The following SPON1 variants were observed in gnomAD, a reference collection of about 807,000 sequenced individuals.
SPON1 encodes the protein spondin 1.
Under a neutral mutation model 111.7 loss-of-function variants are expected in SPON1, and 52 were observed. The ratio of observed to expected loss-of-function variants is 0.47; its 90% CI spans 0.37 to 0.59. SPON1 has a LOEUF of 0.59. Among genes scored for constraint, SPON1 ranks in the 20% least tolerant of loss-of-function variants. SPON1 has a pLI of 0.00. For missense variants in SPON1, 957 were observed against 1,068.5 expected, an observed-to-expected ratio of 0.90 and a Z score of 1.46; for synonymous variants, 410 against 395.8, an observed-to-expected ratio of 1.04 and a Z score of -0.43.
chr11:14,252,337 G>A (rs1554940737), intron 7 of SPON1, among the ~76,000 whole-genome samples: 1 of 150,660 alleles, frequency 6.6e-6, no homozygotes, highest in African/African-American at 2.4e-5. Flanking sequence ...GGAATCCAGC[G>A]CTATGTATCT....
chr11:14,063,166 T>C (rs1848804606), intron 3 of SPON1, among the ~76,000 whole-genome samples: 1 of 152,260 alleles, frequency 6.6e-6, no homozygotes, highest in South Asian at 2.1e-4. Context: ...TATAGATTTT[T>C]ACTTATGTAT....
chr11:13,991,848 G>C lies in SPON1; in HGVS notation c.345+8895G>C, dbSNP rs377737621. On this transcript the variant is annotated intron_variant, in intron 2 of 15. Transcript: ENST00000576479. ...TGCCAGTCTGCTGGAGTTTGCTGGAGGTCCACTCCTGACCCTGTTTGCCTG... is the reference window on the plus strand; with the variant it reads ...TGCCAGTCTGCTGGAGTTTGCTGGACGTCCACTCCTGACCCTGTTTGCCTG... 2.9e-3 allele frequency among the ~76,000 whole-genome samples: 434 copies of C among 152,246 alleles called. 3 individuals carry two copies. Among genetic ancestry groups the C allele is most frequent in the African/African-American group, 9.9e-3 (411 of 41,536 alleles).
intron 5 of SPON1, among the ~76,000 whole-genome samples, chr11:14,104,207 T>C (rs12277302): frequency 0.42 from 63,796 of 151,810 alleles, 13,542 homozygotes; most frequent in Admixed American, 0.47. Flanking sequence ...TGGAAGCATT[T>C]TTTTCGTTTT....
chr11:14,167,268 A>G (rs993644961), intron 6 of SPON1, among the ~76,000 whole-genome samples: 8 of 152,144 alleles, frequency 5.3e-5, no homozygotes, highest in Admixed American at 4.6e-4. Context: ...AAAGAGACAT[A>G]ATTTATAATT....
At chr11:14,049,624 G>T (rs567978049) in intron 3 of SPON1, among the ~76,000 whole-genome samples, 2 of 152,262 alleles carry the variant, frequency 1.3e-5, no homozygotes, top group South Asian at 2.1e-4. Context: ...AACACCTCCT[G>T]CTTGCAGGCA....
At chr11:14,181,085 G>C (rs1426876075) in intron 6 of SPON1, among the ~76,000 whole-genome samples, 1 of 152,076 alleles carries the variant, frequency 6.6e-6, no homozygotes, top group Non-Finnish European at 1.5e-5. Flanking sequence ...GAAGACACTG[G>C]GGTCAGGACC....
chr11:14,002,820 G>A (rs1554912596), intron 2 of SPON1, among the ~76,000 whole-genome samples: 2 of 152,086 alleles, frequency 1.3e-5, no homozygotes, highest in Admixed American at 6.6e-5. Context: ...AAGCTGGTCA[G>A]GGGTTCAAGT....
chr11:14,238,630 T>C (rs1848891480), intron 6 of SPON1, among the ~76,000 whole-genome samples: 1 of 152,144 alleles, frequency 6.6e-6, no homozygotes, highest in South Asian at 2.1e-4. Context: ...AACAGATCTG[T>C]CCCAGATCTG....
At chr11:14,028,574 A>C (rs1848535987) in intron 2 of SPON1, among the ~76,000 whole-genome samples, 1 of 152,140 alleles carries the variant, frequency 6.6e-6, no homozygotes, top group African/African-American at 2.4e-5. Context: ...GCCAGTGAGA[A>C]TCTTCCCACT....
At chr11:14,190,515 GTTCC>G (rs1252279337) in intron 6 of SPON1, among the ~76,000 whole-genome samples, 1 of 140,466 alleles carries the variant, frequency 7.1e-6, no homozygotes, top group African/African-American at 2.7e-5. Context: ...TCCTTCTTTA[GTTCC>G]TTCCTTCCAT....
Position 14,265,981 on chromosome 11 carries a change from C to G in SPON1, c.*294C>G. 1 of 269,134 alleles carries G rather than the reference C, an allele frequency of 3.7e-6. No homozygotes were observed. The highest frequency in any genetic ancestry group is 7.2e-6 in the Non-Finnish European group (1 of 139,050). The allele number at this position is 269,134 out of a possible 1,614,324, so 16.7% of individuals were successfully genotyped here. ...GGAGCTTCCACCTGGCCAGGGAGGA[C>G]GGAGACTTTGACCTACTCCACATGG... On this transcript the variant is annotated 3_prime_UTR_variant, in exon 16 of 16. Coordinates refer to ENST00000576479, the MANE Select transcript of SPON1 (RefSeq NM_006108.4).
In SPON1 at chr11:14,004,154, G is replaced by T. The variant is rs1436136766; in HGVS notation, c.345+21201G>T. Among the ~76,000 whole-genome samples, 5 of 151,056 alleles carry T rather than the reference G, an allele frequency of 3.3e-5. No homozygotes were observed. The East Asian group carries it at 9.7e-4, about 29-fold the overall frequency. ...TGAATAATATTCCATTACACACACA[G>T]ACACACACACACACATACACACACA... On this transcript the variant is annotated intron_variant, in intron 2 of 15. Coordinates refer to ENST00000576479, the MANE Select transcript of SPON1 (RefSeq NM_006108.4).
intron 3 of SPON1, among the ~76,000 whole-genome samples, chr11:14,057,138 C>T (rs1240186255): frequency 6.6e-6 from 1 of 152,058 alleles, no homozygotes; most frequent in Non-Finnish European, 1.5e-5. Flanking sequence ...AAAGTACTTG[C>T]CCTTGAAATA....
At chr11:14,222,608 T>G (rs191739945) in intron 6 of SPON1, among the ~76,000 whole-genome samples, 1 of 152,266 alleles carries the variant, frequency 6.6e-6, no homozygotes, top group East Asian at 1.9e-4. Context: ...TCCTAAATCT[T>G]GATACCAATT....
At chr11:14,050,840 AG>A (rs782158837) in intron 3 of SPON1, among the ~76,000 whole-genome samples, 29 of 152,280 alleles carry the variant, frequency 1.9e-4, no homozygotes, top group Non-Finnish European at 3.1e-4. Flanking sequence ...CACTAATCAA[AG>A]GTGGCCCCAT....
At chr11:14,190,765 C>T (rs72861641) in intron 6 of SPON1, among the ~76,000 whole-genome samples, 165 of 151,640 alleles carry the variant, frequency 1.1e-3, no homozygotes, top group Middle Eastern at 3.4e-3. Context: ...CTCAGTGCCC[C>T]GAGTAGCTAG....
At chr11:14,048,326 G>C (rs570481335) in intron 3 of SPON1, among the ~76,000 whole-genome samples, 2 of 152,312 alleles carry the variant, frequency 1.3e-5, no homozygotes, top group Non-Finnish European at 2.9e-5. Context: ...CTGTGCTGCA[G>C]AGCCCTCACT....
chr11:14,014,487 A>G (rs1025770393), intron 2 of SPON1, among the ~76,000 whole-genome samples: 19 of 152,224 alleles, frequency 1.2e-4, no homozygotes, highest in African/African-American at 4.1e-4. Context: ...GAACTATGGC[A>G]GGTTTCATCT....
chr11:14,015,378 C>G (rs1367807511), intron 2 of SPON1, among the ~76,000 whole-genome samples: 3 of 152,126 alleles, frequency 2.0e-5, no homozygotes, highest in South Asian at 2.1e-4. Context: ...ATAATATAAG[C>G]AGTTTCATCT....
Sources: allele counts gnomAD v4.1 joint callset (sites outside exome capture counted in the v4.1 genomes callset), GRCh38; gene constraint gnomAD v4.1.1; transcripts MANE v1.5; gene names NCBI Gene and HGNC (gene_info 2026-07-23, HGNC 2026-07-21).